Variants in KANK1 observed in about 807,000 individuals in gnomAD.
The protein encoded by KANK1 is KN motif and ankyrin repeat domain-containing protein 1.
In KANK1, 109 loss-of-function variants were observed where a neutral mutation model predicts 106.2. The ratio of observed to expected loss-of-function variants is 1.03; its 90% CI spans 0.88 to 1.20. The LOEUF is 1.20. KANK1 is among the 50% of genes most tolerant of loss of function. The pLI is 0.00. For missense variants in KANK1, 2,399 were observed against 1,710.7 expected, an observed-to-expected ratio of 1.40 and a Z score of -7.10; for synonymous variants, 873 against 652.2, an observed-to-expected ratio of 1.34 and a Z score of -5.16.
At chr9:730,947 A>T (rs1453771651) in intron 4 of KANK1, 1 of 370,080 alleles carries the variant, frequency 2.7e-6, no homozygotes, top group African/African-American at 2.1e-5. Flanking sequence ...GGACTAATTG[A>T]TTTTTTTCCC....
intron 1 of KANK1, among the ~76,000 whole-genome samples, chr9:656,086 A>C (rs1842077491): frequency 6.6e-6 from 1 of 152,178 alleles, no homozygotes; most frequent in East Asian, 1.9e-4. Flanking sequence ...TCTTGCTGTC[A>C]GACCGCAGGC....
At chr9:642,247 A>G (rs1354008117) in intron 1 of KANK1, among the ~76,000 whole-genome samples, 1 of 143,756 alleles carries the variant, frequency 7.0e-6, no homozygotes, top group Non-Finnish European at 1.5e-5. Flanking sequence ...GAAAGGTCGT[A>G]GAATAAATGA....
chr9:706,138 A>G (rs1824096279), intron 2 of KANK1, among the ~76,000 whole-genome samples: 1 of 152,176 alleles, frequency 6.6e-6, no homozygotes, highest in South Asian at 2.1e-4. Flanking sequence ...TGAAAATGAC[A>G]CCTTGAAAAC....
chr9:581,634 C>T (rs1292871669), intron 1 of KANK1, among the ~76,000 whole-genome samples: 2 of 152,204 alleles, frequency 1.3e-5, no homozygotes, highest in African/African-American at 4.8e-5. Context: ...TTAATCTTGA[C>T]TTTAAGCTTC....
intron 3 of KANK1, among the ~76,000 whole-genome samples, chr9:493,454 G>A (rs1587248926): frequency 1.3e-5 from 2 of 151,846 alleles, no homozygotes; most frequent in South Asian, 4.2e-4. Context: ...GAGACTGTGA[G>A]CCAGAACCAT....
rs1487097178 is a variant in KANK1 at position 711,380 on chromosome 9, A to G, written c.614A>G (p.His205Arg). Reference sequence around the variant, plus strand: ...CCTTCTTTTGTGGGTTCTGGAAACCACAATCCTGCCAAGCACCAGCTTCAG... The same window carrying G: ...CCTTCTTTTGTGGGTTCTGGAAACCGCAATCCTGCCAAGCACCAGCTTCAG... ...SLPSFVGSGN[H>R]NPAKHQLQNG... Residue 205 changes from histidine (H) to arginine (R), a missense_variant, in exon 3 of 12, where the codon CAC (histidine) becomes CGC (arginine). Coordinates refer to ENST00000382297, the MANE Select transcript of KANK1 (RefSeq NM_015158.5). 3.7e-6 allele frequency: 6 copies of G among 1,614,150 alleles called. No individual in the cohort carries two copies. The highest frequency in any genetic ancestry group is 1.7e-5 in the Admixed American group (1 of 60,028).
intron 3 of KANK1, among the ~76,000 whole-genome samples, chr9:713,777 G>C (rs940095956): frequency 6.6e-6 from 1 of 151,392 alleles, no homozygotes; most frequent in Non-Finnish European, 1.5e-5. Context: ...TTGTCTTTCA[G>C]TTATTTACTT....
intron 2 of KANK1, among the ~76,000 whole-genome samples, chr9:692,507 C>CT (rs5895860): frequency 0.69 from 98,696 of 142,322 alleles, 34,695 homozygotes; most frequent in Middle Eastern, 0.79. Flanking sequence ...TTTTTTCTTC[C>CT]TTTTTTTTTT....
At chr9:556,961 G>GTTCTT (rs2061628038) in intron 1 of KANK1, among the ~76,000 whole-genome samples, 1 of 152,104 alleles carries the variant, frequency 6.6e-6, no homozygotes, top group Non-Finnish European at 1.5e-5. Context: ...TATGAATTGA[G>GTTCTT]TTCTTGAAGA....
intron 1 of KANK1, among the ~76,000 whole-genome samples, chr9:599,853 A>G (rs971654166): frequency 6.6e-6 from 1 of 151,838 alleles, no homozygotes; most frequent in African/African-American, 2.4e-5. Context: ...TCCTCCTTGT[A>G]TATCGAGGGA....
At chr9:631,693 T>C (rs527301548) in intron 1 of KANK1, among the ~76,000 whole-genome samples, 2 of 152,336 alleles carry the variant, frequency 1.3e-5, no homozygotes, top group East Asian at 1.9e-4. Flanking sequence ...TCCAACTGTT[T>C]AGCTTGGCAT....
At chr9:592,334 G>A (rs1825128632) in intron 1 of KANK1, among the ~76,000 whole-genome samples, 1 of 151,834 alleles carries the variant, frequency 6.6e-6, no homozygotes, top group South Asian at 2.1e-4. Flanking sequence ...GGGAGCAGCG[G>A]GAAGCCGGGG....
rs1183338165 is a variant in KANK1, at chr9:712,454, A to T, written c.1688A>T (p.Glu563Val). Residue 563 changes from glutamate (E) to valine (V), a missense_variant, in exon 3 of 12, where the codon GAG becomes GTG. Coordinates refer to ENST00000382297, the MANE Select transcript of KANK1 (RefSeq NM_015158.5). The stretch of plus-strand genomic sequence containing the variant: ...TGTAAGAATAAAGTCGTAGGGCCTG[A>T]GCTGCCTATGAATTGGTGGATTGTT... ...PECKNKVVGP[E>V]LPMNWWIVKE... 1 of 1,614,134 alleles carries T rather than the reference A, an allele frequency of 6.2e-7. No individual in the cohort carries two copies. The highest frequency in any genetic ancestry group is 1.3e-5 in the African/African-American group (1 of 75,018).
rs369123187 is a variant in KANK1, at chr9:712,617, G to A, written c.1851G>A (p.Lys617=). Residue 617 remains lysine, a synonymous_variant, in exon 3 of 12, where the codon AAG becomes AAA. Coordinates refer to ENST00000382297, the MANE Select transcript of KANK1 (RefSeq NM_015158.5). Reference sequence around the variant, plus strand: ...CTGTGAACGACCTCACACTCCTCAAGACAAACTTGAATCTCAAAGAAGTGC... The same window carrying A: ...CTGTGAACGACCTCACACTCCTCAAAACAAACTTGAATCTCAAAGAAGTGC... ...EESVNDLTLL[K]TNLNLKEVRS... is the part of the protein sequence containing the mutation. 22 of 1,614,074 alleles carry A rather than the reference G, an allele frequency of 1.4e-5. 1 individual carries two copies. The East Asian group carries it at 1.8e-4, about 13-fold the overall frequency.
intron 3 of KANK1, chr9:476,751 T>C (rs2058111799): frequency 6.6e-6 from 1 of 152,210 alleles, no homozygotes; most frequent in African/African-American, 2.4e-5. Flanking sequence ...GAAATATTAA[T>C]AAATAATATT....
intron 1 of KANK1, among the ~76,000 whole-genome samples, chr9:594,992 G>A (rs1825860819): frequency 6.6e-6 from 1 of 151,706 alleles, no homozygotes; most frequent in Non-Finnish European, 1.5e-5. Context: ...TTGATTTTAA[G>A]AATTTTTATT....
intron 1 of KANK1, among the ~76,000 whole-genome samples, chr9:582,616 A>G (rs1413622728): frequency 6.6e-6 from 1 of 152,194 alleles, no homozygotes; most frequent in Non-Finnish European, 1.5e-5. Flanking sequence ...CAACCAATGC[A>G]TTTAAAAAAT....
chr9:557,113 G>C (rs1438418459), intron 1 of KANK1, among the ~76,000 whole-genome samples: 2 of 151,346 alleles, frequency 1.3e-5, no homozygotes, highest in East Asian at 3.9e-4. Context: ...AGCCTGAGAG[G>C]TTGAGCCTGC....
In KANK1 at chr9:514,100, C is replaced by G. The variant is rs781477976; in HGVS notation, c.-84+9346C>G. On this transcript the variant is annotated intron_variant, in intron 1 of 11. Coordinates refer to ENST00000382297, the MANE Select transcript of KANK1 (RefSeq NM_015158.5). Reference sequence around the variant, plus strand: ...CTCCTCTCCTTCCCTCCTTCTCTTACTCCCTCCCTCTCTTCCTCCCTCTCT... The same window carrying G: ...CTCCTCTCCTTCCCTCCTTCTCTTAGTCCCTCCCTCTCTTCCTCCCTCTCT... Among the ~76,000 whole-genome samples, 194 of 145,696 alleles carry G rather than the reference C, an allele frequency of 1.3e-3. 4 individuals carry two copies. Among genetic ancestry groups the G allele is most frequent in the Non-Finnish European group, 3.4e-4 (23 of 67,144 alleles).
Sources: gnomAD v4.1 joint callset for allele counts (sites outside exome capture counted in the v4.1 genomes callset) on GRCh38, gnomAD v4.1.1 for gene constraint, MANE v1.5 for transcripts, NCBI Gene and HGNC (gene_info 2026-07-23, HGNC 2026-07-21) for gene names.